TOMM22: variants seen among roughly 807,000 people sequenced by gnomAD.
TOMM22 encodes translocase of outer mitochondrial membrane 22.
A neutral mutation model predicts 17.1 loss-of-function variants in TOMM22; 3 were observed. The observed-to-expected ratio is 0.18, with a 90% CI of 0.08 to 0.45. The LOEUF (loss-of-function observed/expected upper bound fraction) is 0.45. Ranked by LOEUF, TOMM22 falls within the 20% of genes least tolerant of loss-of-function variation. The probability of loss-of-function intolerance (pLI) is 0.99; values close to 1 mark genes in which losing one functional copy is unlikely to be tolerated. For synonymous variants in TOMM22, 91 were observed against 74.0 expected, an observed-to-expected ratio of 1.23 and a Z score of -1.18; for missense variants, 159 against 179.5, an observed-to-expected ratio of 0.89 and a Z score of 0.65.
At chr22:38,683,067 A>G (rs2092484131) in intron 3 of TOMM22, 71 bp downstream of exon 3, 2 of 1,102,476 alleles carry the variant, frequency 1.8e-6, no homozygotes, top group Non-Finnish European at 2.4e-6. Context: ...TTGGTCCCCA[A>G]CCTTTTTGGC....
chr22:38,682,610 G>C (rs532090325), intron 2 of TOMM22, among the ~76,000 whole-genome samples, 169 bp downstream of exon 2: 2 of 152,012 alleles, frequency 1.3e-5, no homozygotes, highest in African/African-American at 4.8e-5. Flanking sequence ...TGGCAGGGGA[G>C]TTGTGGGGGT....
intron 3 of TOMM22, 90 bp downstream of exon 3, chr22:38,683,086 C>G: frequency 6.7e-6 from 5 of 750,342 alleles, no homozygotes; most frequent in Non-Finnish European, 9.3e-6. Context: ...GCACCAGGGA[C>G]TGGTTTCATG....
In TOMM22 at chr22:38,684,425, T is replaced by G. The variant is rs2092489762; in HGVS notation, c.*584T>G. ...TGGCTGTTAGACCTGTGTGTGTGTT[T>G]AAAAAAAGAGAAGTCAGTGCTCACT... On this transcript the variant is annotated 3_prime_UTR_variant, in exon 4 of 4. Coordinates refer to ENST00000216034, the MANE Select transcript of TOMM22 (RefSeq NM_020243.5). The G allele has an allele frequency of 6.6e-6, 1 of 152,188 alleles. No homozygotes were observed. Among genetic ancestry groups the G allele is most frequent in the Non-Finnish European group, 1.5e-5 (1 of 68,102 alleles). 9.4% of individuals were successfully genotyped at this position (152,188 alleles called of 1,614,324 possible). A position where few individuals can be genotyped will look rare whatever the true frequency, so the allele number is the denominator to read the frequency against.
rs139053534 is a variant in TOMM22, at chr22:38,682,072, C to T, written c.94C>T (p.Leu32=). The T allele has an allele frequency of 1.3e-5, 20 of 1,591,108 alleles. No homozygotes were observed. The Middle Eastern group carries it at 5.0e-4, about 40-fold the overall frequency. The change falls in exon 1 of 4, where the codon CTG becomes TTG. Residue 32 remains leucine, a synonymous_variant. Coordinates refer to ENST00000216034, the MANE Select transcript of TOMM22 (RefSeq NM_020243.5). ...KGDAEKPEEE[L]EEDDDEELDE... ...CGACGCGGAGAAGCCTGAGGAGGAG[C>T]TGGAGGAGGACGACGATGAGGAGGT...
chr22:38,682,825 G>C (rs2092483202), intron 2 of TOMM22, 54 bp from the exon 3 acceptor site: 3 of 1,503,812 alleles, frequency 2.0e-6, no homozygotes, highest in Admixed American at 3.3e-5. Flanking sequence ...GGTAGTTCTT[G>C]CCTGTTTTGT....
chr22:38,681,985 G>A lies in TOMM22; in HGVS notation c.7G>A (p.Ala3Thr), dbSNP rs779518975. 3 of 1,610,492 alleles carry A rather than the reference G, an allele frequency of 1.9e-6. No homozygotes were observed. Among genetic ancestry groups the A allele is most frequent in the African/African-American group, 1.3e-5 (1 of 75,036 alleles). Residue 3 changes from alanine to threonine, a missense_variant, in exon 1 of 4, where the codon GCC (alanine) becomes ACC (threonine). Transcript: ENST00000216034. MA[A>T]AVAAAGAGEP... ...TCCGGTGTCCCCTACAGTCATGGCT[G>A]CCGCCGTCGCTGCTGCCGGTGCAGG...
Position 38,683,853 on chromosome 22 carries a change from T to C in TOMM22, c.*12T>C. 6.2e-7 allele frequency: 1 copy of C among 1,612,240 alleles called. No homozygotes were observed. Among genetic ancestry groups the C allele is most frequent in the Non-Finnish European group, 8.5e-7 (1 of 1,178,324 alleles). ...CTGGAAAGATCTAGATTGTTATTGC[T>C]GTTTGAGCTGTCTCAGTGGGATAAG... On this transcript the variant is annotated 3_prime_UTR_variant, in exon 4 of 4. Coordinates refer to ENST00000216034, the MANE Select transcript of TOMM22 (RefSeq NM_020243.5).
rs771848346 is a variant in TOMM22 at position 38,683,892 on chromosome 22, T to A, written c.*51T>A. ...CAGTGGGATAAGTTTGAAATTCAAG[T>A]GTTTGAACTGCTGATAATTTGGATT... On this transcript the variant is annotated 3_prime_UTR_variant, in exon 4 of 4. Coordinates refer to ENST00000216034, the MANE Select transcript of TOMM22 (RefSeq NM_020243.5). 5.3e-6 allele frequency: 8 copies of A among 1,504,510 alleles called. No individual in the cohort carries two copies. The highest frequency in any genetic ancestry group is 6.4e-6 in the Non-Finnish European group (7 of 1,091,762). 93.2% of individuals were successfully genotyped at this position (1,504,510 alleles called of 1,614,324 possible). A position where few individuals can be genotyped will look rare whatever the true frequency, so the allele number is the denominator to read the frequency against.
In TOMM22 at chr22:38,683,787, A is replaced by G; in HGVS notation, c.375A>G (p.Thr125=). ...QQRQILLGPN[T]GLSGGMPGAL... ...TCCAGATACTTCTAGGACCTAACACAGGGCTCTCAGGAGGAATGCCAGGGG... is the reference window on the plus strand; with the variant it reads ...TCCAGATACTTCTAGGACCTAACACGGGGCTCTCAGGAGGAATGCCAGGGG... The change falls in exon 4 of 4, where the codon ACA becomes ACG. Residue 125 remains threonine (T), a synonymous_variant. Coordinates refer to ENST00000216034, the MANE Select transcript of TOMM22 (RefSeq NM_020243.5). 1.2e-6 allele frequency: 2 copies of G among 1,613,954 alleles called. No individual in the cohort carries two copies. Among genetic ancestry groups the G allele is most frequent in the Non-Finnish European group, 1.7e-6 (2 of 1,179,946 alleles).
chr22:38,683,144 G>GA (rs201072605), intron 3 of TOMM22, 148 bp downstream of exon 3: 1 of 457,808 alleles, frequency 2.2e-6, no homozygotes, highest in Non-Finnish European at 3.7e-6. Context: ...CCGGGGGTCG[G>GA]GGGGGGGGTT....
chr22:38,683,731 T>C, intron 3 of TOMM22, 36 bp from the exon 4 acceptor site: 16 of 1,559,512 alleles, frequency 1.0e-5, no homozygotes, highest in Non-Finnish European at 1.4e-5. Context: ...TCTCTAGGCC[T>C]GTATGATGCC....
chr22:38,682,257 G>A, intron 1 of TOMM22, 66 bp from the exon 2 acceptor site: 1 of 1,572,448 alleles, frequency 6.4e-7, no homozygotes, highest in Middle Eastern at 2.1e-4. Flanking sequence ...GCGGCTCCCA[G>A]TGCCGCAGCG....
In TOMM22 at chr22:38,683,873, G is replaced by A. The variant is rs369740039; in HGVS notation, c.*32G>A. On this transcript the variant is annotated 3_prime_UTR_variant, in exon 4 of 4. Transcript: ENST00000216034. ...ATTGCTGTTTGAGCTGTCTCAGTGG[G>A]ATAAGTTTGAAATTCAAGTGTTTGA... The A allele has an allele frequency of 5.1e-4, 814 of 1,589,312 alleles. 1 individual carries two copies. Among genetic ancestry groups the A allele is most frequent in the Non-Finnish European group, 6.9e-4 (798 of 1,162,186 alleles).
rs1033971672 is a variant in TOMM22, at chr22:38,684,300, C to G, written c.*459C>G. 1 of 157,002 alleles carries G rather than the reference C, an allele frequency of 6.4e-6. No homozygotes were observed. Among genetic ancestry groups the G allele is most frequent in the Admixed American group, 6.1e-5 (1 of 16,308 alleles). 9.7% of individuals were successfully genotyped at this position (157,002 alleles called of 1,614,324 possible). On this transcript the variant is annotated 3_prime_UTR_variant, in exon 4 of 4. Coordinates refer to ENST00000216034, the MANE Select transcript of TOMM22 (RefSeq NM_020243.5). ...TTACACCTGTAGTGTAAAGTGGCCA[C>G]TATGAATCCCTATGTATGAGAGGAG...
In TOMM22 at chr22:38,684,016, C is replaced by T. The variant is rs567042484; in HGVS notation, c.*175C>T. 1.7e-6 allele frequency: 1 copy of T among 593,912 alleles called. No homozygotes were observed. Among genetic ancestry groups the T allele is most frequent in the African/African-American group, 1.9e-5 (1 of 53,796 alleles). 36.8% of individuals were successfully genotyped at this position (593,912 alleles called of 1,614,324 possible). Reference sequence around the variant, plus strand: ...GGAAAGACTCAACTTGCAACTGTGCCCTCCACACTATCCTTACTTCTGTCT... The same window carrying T: ...GGAAAGACTCAACTTGCAACTGTGCTCTCCACACTATCCTTACTTCTGTCT... On this transcript the variant is annotated 3_prime_UTR_variant, in exon 4 of 4. Transcript: ENST00000216034.
rs1345304625 is a variant in TOMM22 at position 38,684,519 on chromosome 22, C to T, written c.*678C>T. The stretch of plus-strand genomic sequence containing the variant: ...TCCTAAGTACCTTGAAATGAGACCA[C>T]GTCAGAGACATGTACTGCCCCTCAC... On this transcript the variant is annotated 3_prime_UTR_variant, in exon 4 of 4. Transcript: ENST00000216034. 2 of 152,162 alleles carry T rather than the reference C, an allele frequency of 1.3e-5. No homozygotes were observed. The highest frequency in any genetic ancestry group is 4.8e-5 in the African/African-American group (2 of 41,420). The allele number at this position is 152,162 out of a possible 1,614,324, so 9.4% of individuals were successfully genotyped here. A position where few individuals can be genotyped will look rare whatever the true frequency, so the allele number is the denominator to read the frequency against.
chr22:38,683,619 G>A lies in TOMM22; in HGVS notation c.355-148G>A, dbSNP rs918204028. The A allele has an allele frequency of 2.3e-5, 14 of 598,820 alleles. No individual in the cohort carries two copies. The African/African-American group carries it at 2.4e-4, about 10-fold the overall frequency. The allele number at this position is 598,820 out of a possible 1,614,324, so 37.1% of individuals were successfully genotyped here. ...CTGAGTTGACCAACAGTTAATGTGT[G>A]GGTGGGGATTGGGATCGGGCCCATG... On this transcript the variant is annotated intron_variant, in intron 3 of 3. Transcript: ENST00000216034.
chr22:38,683,826 T>C lies in TOMM22; in HGVS notation c.414T>C (p.Leu138=), dbSNP rs1261499277. 6.2e-7 allele frequency: 1 copy of C among 1,613,852 alleles called. No homozygotes were observed. The highest frequency in any genetic ancestry group is 8.5e-7 in the Non-Finnish European group (1 of 1,179,944). ...GAATGCCAGGGGCTCTACCCTCACT[T>C]CCTGGAAAGATCTAGATTGTTATTG... The part of the protein sequence containing the change: ...SGGMPGALPS[L]PGKI Residue 138 remains leucine (L), a synonymous_variant, in exon 4 of 4, where the codon CTT becomes CTC. Coordinates refer to ENST00000216034, the MANE Select transcript of TOMM22 (RefSeq NM_020243.5).
chr22:38,682,204 G>T, intron 1 of TOMM22, 109 bp downstream of exon 1: 1 of 1,458,222 alleles, frequency 6.9e-7, no homozygotes, highest in Non-Finnish European at 9.4e-7. Context: ...GCGGGGTTAG[G>T]GGCCCTGCTG....
Sources: gnomAD v4.1 joint callset for allele counts (sites outside exome capture counted in the v4.1 genomes callset) on GRCh38, gnomAD v4.1.1 for gene constraint, MANE v1.5 for transcripts, NCBI Gene and HGNC (gene_info 2026-07-23, HGNC 2026-07-21) for gene names.